Variants in ARHGEF3 observed in about 807,000 individuals in gnomAD.
ARHGEF3 encodes the protein 59.8 kDA protein.
A neutral mutation model predicts 63.2 loss-of-function variants in ARHGEF3; 28 were observed. The observed-to-expected ratio is 0.44, with a 90% CI of 0.33 to 0.61. The LOEUF is 0.61. ARHGEF3 is among the 20% of genes least tolerant of loss of function. The probability of loss-of-function intolerance (pLI) is 0.03; values close to 1 mark genes in which losing one functional copy is unlikely to be tolerated. For missense variants in ARHGEF3, 533 were observed against 659.3 expected, an observed-to-expected ratio of 0.81 and a Z score of 2.10; for synonymous variants, 266 against 254.2, an observed-to-expected ratio of 1.05 and a Z score of -0.44.
chr3:56,882,215 A>T, intron 4 of ARHGEF3: 3 of 1,401,798 alleles, frequency 2.1e-6, no homozygotes, highest in Non-Finnish European at 2.9e-6. Context: ...TCAAGCACAC[A>T]GCATATTATT....
intron 2 of ARHGEF3, among the ~76,000 whole-genome samples, chr3:56,988,956 A>C (rs1197905419): frequency 6.6e-6 from 1 of 152,156 alleles, no homozygotes; most frequent in East Asian, 1.9e-4. Context: ...TAAAAGGGGA[A>C]GGTACCCTCT....
intron 1 of ARHGEF3, among the ~76,000 whole-genome samples, chr3:57,061,504 A>G (rs1162067455): frequency 6.6e-6 from 1 of 152,176 alleles, no homozygotes; most frequent in African/African-American, 2.4e-5. Context: ...ATTCCATTGT[A>G]TGTACATACC....
intron 1 of ARHGEF3, among the ~76,000 whole-genome samples, chr3:56,779,113 C>T (rs1195782733): frequency 1.3e-5 from 2 of 152,194 alleles, no homozygotes; most frequent in Admixed American, 6.5e-5. Flanking sequence ...TGCATATTCT[C>T]CCTGCAGCTG....
At chr3:56,840,256 C>G (rs544941198) in intron 4 of ARHGEF3, among the ~76,000 whole-genome samples, 3 of 152,150 alleles carry the variant, frequency 2.0e-5, no homozygotes, top group Non-Finnish European at 4.4e-5. Context: ...AAAAACACCC[C>G]CATTTAGGGG....
At chr3:56,795,653 C>CTTT (rs1324495358) in intron 1 of ARHGEF3, among the ~76,000 whole-genome samples, 5 of 69,272 alleles carry the variant, frequency 7.2e-5, no homozygotes, top group South Asian at 9.1e-4. Context: ...CAGTCTCTCT[C>CTTT]TCTTTTTTTT....
intron 3 of ARHGEF3, among the ~76,000 whole-genome samples, chr3:56,926,425 G>T (rs1172751634): frequency 6.6e-6 from 1 of 152,206 alleles, no homozygotes; most frequent in East Asian, 1.9e-4. Context: ...TTTTTGTCAA[G>T]AACAGTGGCC....
chr3:56,933,670 C>T (rs2042472145), intron 3 of ARHGEF3, among the ~76,000 whole-genome samples: 1 of 152,200 alleles, frequency 6.6e-6, no homozygotes, highest in African/African-American at 2.4e-5. Context: ...GTTCACCCGC[C>T]TTGGCCTCCT....
intron 1 of ARHGEF3, among the ~76,000 whole-genome samples, chr3:57,051,827 G>A (rs1175295676): frequency 6.6e-6 from 1 of 152,096 alleles, no homozygotes; most frequent in East Asian, 1.9e-4. Context: ...AGCCAGGTGT[G>A]GTGGCGGGAG....
chr3:57,019,049 AC>A (rs1472264803), intron 2 of ARHGEF3, among the ~76,000 whole-genome samples: 1 of 152,200 alleles, frequency 6.6e-6, no homozygotes, highest in African/African-American at 2.4e-5. Flanking sequence ...ATGTTAAGCC[AC>A]CTGGATTCAT....
chr3:56,964,672 A>G (rs1313552561), intron 2 of ARHGEF3, among the ~76,000 whole-genome samples: 1 of 152,100 alleles, frequency 6.6e-6, no homozygotes, highest in Non-Finnish European at 1.5e-5. Context: ...AAATTACAAC[A>G]TGGCAAATTG....
At chr3:57,048,033 C>A (rs2107291157) in intron 1 of ARHGEF3, among the ~76,000 whole-genome samples, 1 of 152,234 alleles carries the variant, frequency 6.6e-6, no homozygotes, top group Admixed American at 6.5e-5. Context: ...CTGATAGTAA[C>A]CCTTGGATGA....
chr3:56,947,835 G>A (rs1011821919), intron 3 of ARHGEF3, among the ~76,000 whole-genome samples: 4 of 152,222 alleles, frequency 2.6e-5, no homozygotes, highest in African/African-American at 7.2e-5. Flanking sequence ...ATTCTTCTCA[G>A]CACCACACCG....
In ARHGEF3 at chr3:56,729,517, C is replaced by T. The variant is rs1022491479; in HGVS notation, c.1334G>A (p.Arg445His). The stretch of plus-strand genomic sequence containing the variant: ...ACACAAAACTGTTTCTTTGGCTTGA[C>T]GAATACAGTTAAGCCACTGCTGTTT... The part of the protein sequence containing the change: ...FNKQQWLNCI[R>H]QAKETVLCAA... Residue 445 changes from arginine to histidine, a missense_variant, in exon 10 of 10, where the codon CGT (arginine) becomes CAT (histidine). Coordinates refer to ENST00000296315, the MANE Select transcript of ARHGEF3 (RefSeq NM_019555.3). 8 of 1,614,066 alleles carry T rather than the reference C, an allele frequency of 5.0e-6. No homozygotes were observed. Among genetic ancestry groups the T allele is most frequent in the South Asian group, 1.1e-5 (1 of 91,086 alleles).
At chr3:56,766,193 A>G (rs534597177) in intron 2 of ARHGEF3, among the ~76,000 whole-genome samples, 1 of 152,178 alleles carries the variant, frequency 6.6e-6, no homozygotes, top group East Asian at 1.9e-4. Flanking sequence ...TTCTGTATTG[A>G]CTCTCTCCCC....
At chr3:56,825,586 T>C (rs13086448) in intron 4 of ARHGEF3, among the ~76,000 whole-genome samples, 77,404 of 152,056 alleles carry the variant, frequency 0.51, 20,118 homozygotes, top group Non-Finnish European at 0.55. Flanking sequence ...TTAGTTTTAT[T>C]TTGTAATGCA....
intron 2 of ARHGEF3, among the ~76,000 whole-genome samples, chr3:57,016,304 G>A (rs1438556724): frequency 6.6e-6 from 1 of 151,970 alleles, no homozygotes; most frequent in Non-Finnish European, 1.5e-5. Context: ...AGCACTTTGG[G>A]AGGCCTCGGT....
At chr3:56,895,990 AG>A (rs748527059) in intron 3 of ARHGEF3, among the ~76,000 whole-genome samples, 18 of 152,150 alleles carry the variant, frequency 1.2e-4, no homozygotes, top group Admixed American at 4.6e-4. Context: ...CTGCAGGCAC[AG>A]GGGGCTGGCA....
intron 3 of ARHGEF3, chr3:56,916,207 G>A: frequency 7.1e-7 from 1 of 1,410,696 alleles, no homozygotes; most frequent in Non-Finnish European, 9.4e-7. Context: ...AAGGTAAAGA[G>A]AACACTGCAT....
At chr3:57,014,579 ATTTC>A (rs531149514) in intron 2 of ARHGEF3, among the ~76,000 whole-genome samples, 2 of 152,346 alleles carry the variant, frequency 1.3e-5, no homozygotes, top group South Asian at 4.1e-4. Flanking sequence ...AGAAAACTAT[ATTTC>A]TTTATAGTTT....
Sources: allele counts gnomAD v4.1 joint callset (sites outside exome capture counted in the v4.1 genomes callset), GRCh38; gene constraint gnomAD v4.1.1; transcripts MANE v1.5; gene names NCBI Gene and HGNC (gene_info 2026-07-23, HGNC 2026-07-21).